The following DIS3L2 variants were observed in gnomAD, a reference collection of about 807,000 sequenced individuals.
DIS3L2 encodes DIS3 like 3'-5' exoribonuclease 2.
A neutral mutation model predicts 97.5 loss-of-function variants in DIS3L2; 34 were observed. The ratio of observed to expected loss-of-function variants is 0.35; its 90% CI spans 0.27 to 0.46. DIS3L2 has a LOEUF of 0.46. DIS3L2 is among the 20% of genes least tolerant of loss of function. DIS3L2 has a pLI of 1.00. For missense variants in DIS3L2, 1,038 were observed against 1,146.0 expected (o/e 0.91, Z 1.36); for synonymous variants, 435 against 445.2 (o/e 0.98, Z 0.29).
At chr2:232,222,423 C>T (rs796066322) in intron 10 of DIS3L2, among the ~76,000 whole-genome samples, 35 of 152,190 alleles carry the variant, frequency 2.3e-4, no homozygotes, top group African/African-American at 7.9e-4. Flanking sequence ...GATCTGTCAG[C>T]TCATAAGGAA....
intron 9 of DIS3L2, among the ~76,000 whole-genome samples, chr2:232,209,768 A>T (rs1214417462): frequency 1.3e-5 from 2 of 152,324 alleles, no homozygotes; most frequent in East Asian, 3.9e-4. Context: ...TCGTAAGGAT[A>T]TTGTGCAAAG....
chr2:232,095,697 C>G (rs554998793), intron 6 of DIS3L2, among the ~76,000 whole-genome samples: 1 of 152,216 alleles, frequency 6.6e-6, no homozygotes, highest in East Asian at 1.9e-4. Flanking sequence ...CATTAATGTT[C>G]TGTTCTTTCT....
intron 5 of DIS3L2, among the ~76,000 whole-genome samples, chr2:232,069,957 G>A (rs955838277): frequency 2.6e-5 from 4 of 152,096 alleles, no homozygotes; most frequent in Admixed American, 6.5e-5. Flanking sequence ...AGTTCAAGTT[G>A]GTTTTTCTGT....
intron 1 of DIS3L2, among the ~76,000 whole-genome samples, chr2:231,976,407 A>G (rs1003570262): frequency 2.2e-4 from 34 of 152,184 alleles, no homozygotes; most frequent in African/African-American, 8.0e-4. Flanking sequence ...AGGCGGGCAG[A>G]TTGCTTGAGC....
At chr2:232,331,711 C>T (rs1421340843) in intron 16 of DIS3L2, 1 of 152,502 alleles carries the variant, frequency 6.6e-6, no homozygotes, top group Non-Finnish European at 1.5e-5. Context: ...GCCCCTGAGT[C>T]CCAGAACTGC....
intron 1 of DIS3L2, among the ~76,000 whole-genome samples, chr2:231,964,311 G>A (rs1482351508): frequency 6.6e-6 from 1 of 152,146 alleles, no homozygotes; most frequent in African/African-American, 2.4e-5. Context: ...GTGAGGTGTG[G>A]TTAGTATATT....
At chr2:232,130,091 T>C (rs1574897746) in intron 6 of DIS3L2, among the ~76,000 whole-genome samples, 1 of 152,304 alleles carries the variant, frequency 6.6e-6, no homozygotes, top group East Asian at 1.9e-4. Flanking sequence ...TTATATAATG[T>C]CACTAAGAAA....
At chr2:232,076,231 T>A (rs1433872805) in intron 5 of DIS3L2, among the ~76,000 whole-genome samples, 1 of 152,256 alleles carries the variant, frequency 6.6e-6, no homozygotes, top group Non-Finnish European at 1.5e-5. Context: ...CTTTTCCATA[T>A]GTTCTTTCTC....
intron 8 of DIS3L2, among the ~76,000 whole-genome samples, chr2:232,155,961 G>A (rs1690484155): frequency 6.6e-6 from 1 of 151,430 alleles, no homozygotes; most frequent in Non-Finnish European, 1.5e-5. Flanking sequence ...CTGCACTCCA[G>A]CCTGGGCGAC....
intron 1 of DIS3L2, among the ~76,000 whole-genome samples, chr2:231,973,023 A>G (rs1692968165): frequency 6.6e-6 from 1 of 152,192 alleles, no homozygotes; most frequent in Non-Finnish European, 1.5e-5. Context: ...TATCAGGGTA[A>G]CGCTGGAAAC....
chr2:232,006,559 T>G (rs956062769), intron 1 of DIS3L2, among the ~76,000 whole-genome samples: 1 of 152,206 alleles, frequency 6.6e-6, no homozygotes, highest in Non-Finnish European at 1.5e-5. Flanking sequence ...TAGAAACATG[T>G]GGCATTCAAA....
At chr2:232,044,646 T>C (rs1695190946) in intron 5 of DIS3L2, among the ~76,000 whole-genome samples, 1 of 152,104 alleles carries the variant, frequency 6.6e-6, no homozygotes, top group South Asian at 2.1e-4. Flanking sequence ...TGGCTAGAGG[T>C]AGAGATTTGG....
exon 14 of DIS3L2, chr2:232,343,623 G>T: frequency 6.4e-7 from 1 of 1,555,980 alleles, no homozygotes; most frequent in Non-Finnish European, 8.7e-7. Flanking sequence ...ATTATGGAAA[G>T]AAAGTAAACA....
intron 1 of DIS3L2, among the ~76,000 whole-genome samples, chr2:231,963,638 A>C (rs1692628620): frequency 6.6e-6 from 1 of 152,146 alleles, no homozygotes; most frequent in Non-Finnish European, 1.5e-5. Flanking sequence ...GCAGTTGCTT[A>C]TGGGGACTTA....
intron 13 of DIS3L2, among the ~76,000 whole-genome samples, chr2:232,286,898 G>A (rs1446868175): frequency 6.6e-6 from 1 of 152,138 alleles, no homozygotes; most frequent in Non-Finnish European, 1.5e-5. Context: ...TCCTGCCTCA[G>A]CCTCCTGAGT....
chr2:232,075,672 GT>G (rs1275563889), intron 5 of DIS3L2, among the ~76,000 whole-genome samples: 3 of 152,084 alleles, frequency 2.0e-5, no homozygotes, highest in Admixed American at 1.3e-4. Flanking sequence ...GGCTACATTT[GT>G]TTCCTTATAT....
At chr2:231,977,014 G>T (rs531990818) in intron 1 of DIS3L2, among the ~76,000 whole-genome samples, 1 of 152,182 alleles carries the variant, frequency 6.6e-6, no homozygotes, top group South Asian at 2.1e-4. Context: ...TGATCCGCCC[G>T]CCTCAGCCTC....
intron 9 of DIS3L2, among the ~76,000 whole-genome samples, chr2:232,183,280 A>G (rs1271846233): frequency 6.6e-6 from 1 of 152,234 alleles, no homozygotes; most frequent in African/African-American, 2.4e-5. Flanking sequence ...AAACAAACAG[A>G]GACAGTTTGT....
intron 9 of DIS3L2, among the ~76,000 whole-genome samples, chr2:232,185,586 G>C (rs767988358): frequency 3.9e-5 from 6 of 152,204 alleles, no homozygotes; most frequent in Non-Finnish European, 7.3e-5. Flanking sequence ...TGTAATCCCA[G>C]CACTTTGGAA....
Sources: gnomAD v4.1 joint callset for allele counts (sites outside exome capture counted in the v4.1 genomes callset) on GRCh38, gnomAD v4.1.1 for gene constraint, MANE v1.5 for transcripts, NCBI Gene and HGNC (gene_info 2026-07-23, HGNC 2026-07-21) for gene names.